COL9A3: variants seen among roughly 807,000 people sequenced by gnomAD.
The protein encoded by COL9A3 is collagen alpha-3(IX) chain.
In COL9A3, 82 loss-of-function variants were observed where a neutral mutation model predicts 110.2. That is an observed-to-expected ratio of 0.74 (90% CI 0.62 to 0.89). The LOEUF is 0.89. COL9A3 is among the 40% of genes least tolerant of loss of function. The pLI is 0.00. For synonymous variants in COL9A3, 494 were observed against 403.8 expected (o/e 1.22, Z -2.68); for missense variants, 1,066 against 981.3 (o/e 1.09, Z -1.15).
Position 62,840,952 on chromosome 20 carries a change from A to G in COL9A3, c.*220A>G. ...CCCTAGCTAATAAACCTGTAAGCCC[A>G]GCATTTGAGAGAAGGTAGGGTGTGT... On this transcript the variant is annotated 3_prime_UTR_variant, in exon 32 of 32. Coordinates refer to ENST00000649368, the MANE Select transcript of COL9A3 (RefSeq NM_001853.4). 3.5e-6 allele frequency: 2 copies of G among 576,450 alleles called. No individual in the cohort carries two copies. The highest frequency in any genetic ancestry group is 6.3e-6 in the Non-Finnish European group (2 of 318,678). 35.7% of individuals were successfully genotyped at this position (576,450 alleles called of 1,614,324 possible).
chr20:62,822,044 G>A, intron 8 of COL9A3, 67 bp from the exon 9 acceptor site: 1 of 993,814 alleles, frequency 1.0e-6, no homozygotes, highest in Non-Finnish European at 1.6e-6. Flanking sequence ...ACCTCCCTGG[G>A]AGAAGCCGGG....
In COL9A3 at chr20:62,841,075, A is replaced by ATGAT. The variant is rs1055015602; in HGVS notation, c.*344_*347dup. The ATGAT allele has an allele frequency of 1.9e-5, 5 of 259,334 alleles. No individual in the cohort carries two copies. Among genetic ancestry groups the ATGAT allele is most frequent in the African/African-American group, 9.1e-5 (4 of 44,026 alleles). The allele number at this position is 259,334 out of a possible 1,614,324, so 16.1% of individuals were successfully genotyped here. On this transcript the variant is annotated 3_prime_UTR_variant, in exon 32 of 32. Transcript: ENST00000649368. ...AAGACTATGATCTCATCCCAATAAA[A>ATGAT]TGATATATTAAACCTTCAGATTAAT...
At chr20:62,837,547 G>T (rs868690225) in intron 30 of COL9A3, among the ~76,000 whole-genome samples, 1 of 152,230 alleles carries the variant, frequency 6.6e-6, no homozygotes, top group African/African-American at 2.4e-5. Context: ...GGTGGCTCAC[G>T]CCTGTAATCC....
At chr20:62,840,521 A>G (rs1469938654) in intron 31 of COL9A3, 21 bp from the exon 32 acceptor site, 8 of 1,607,794 alleles carry the variant, frequency 5.0e-6, no homozygotes, top group South Asian at 4.4e-5. Context: ...AGCTGAACTC[A>G]CCTTTCTGCT....
At chr20:62,826,404 G>A (rs1163427707) in intron 14 of COL9A3, 147 bp downstream of exon 14, 1 of 796,652 alleles carries the variant, frequency 1.3e-6, no homozygotes, top group Admixed American at 2.6e-5. Context: ...CGCAGGCCTT[G>A]CTCTGGGCCC....
At chr20:62,829,923 G>A (rs1465036218) in intron 22 of COL9A3, 104 bp downstream of exon 22, 2 of 1,399,594 alleles carry the variant, frequency 1.4e-6, no homozygotes, top group African/African-American at 1.4e-5. Context: ...GCCTTGATGG[G>A]CCAGGCCCAC....
At chr20:62,834,805 G>C (rs1236385876) in intron 26 of COL9A3, among the ~76,000 whole-genome samples, 9 of 152,082 alleles carry the variant, frequency 5.9e-5, no homozygotes, top group Non-Finnish European at 8.8e-5. Flanking sequence ...ATCACACCCG[G>C]CTAATTTTTG....
intron 25 of COL9A3, among the ~76,000 whole-genome samples, chr20:62,832,645 A>C (rs2063605347): frequency 8.5e-6 from 1 of 117,046 alleles, no homozygotes; most frequent in African/African-American, 2.7e-5. Flanking sequence ...TCTTTTTGGA[A>C]AAGTGTCAGG....
intron 12 of COL9A3, chr20:62,825,399 G>A (rs1274901971): frequency 2.9e-6 from 1 of 342,940 alleles, no homozygotes; most frequent in Non-Finnish European, 5.4e-6. Flanking sequence ...GCTGGCTTTA[G>A]CCTGTAGCCT....
In COL9A3 at chr20:62,836,522, G is replaced by C; in HGVS notation, c.1593G>C (p.Gly531=). ...AGCGCATCAGGGAGCTGTGTGGGGG[G>C]ATGATCAGCGGTAAGTCAGCCACGT... ...SEQRIRELCG[G]MISEQIAQLA... The change falls in exon 29 of 32, where the codon GGG becomes GGC. Residue 531 remains glycine, a synonymous_variant. Coordinates refer to ENST00000649368, the MANE Select transcript of COL9A3 (RefSeq NM_001853.4). 1 of 1,611,654 alleles carries C rather than the reference G, an allele frequency of 6.2e-7. No individual in the cohort carries two copies. Among genetic ancestry groups the C allele is most frequent in the Non-Finnish European group, 8.5e-7 (1 of 1,179,000 alleles).
At position 62,840,686 on chromosome 20, in the gene COL9A3, C is replaced by T. The variant is rs780794327; in HGVS notation, c.2009C>T (p.Ala670Val). 1.9e-6 allele frequency: 3 copies of T among 1,600,592 alleles called. No individual in the cohort carries two copies. Among genetic ancestry groups the T allele is most frequent in the East Asian group, 2.3e-5 (1 of 44,412 alleles). The stretch of plus-strand genomic sequence containing the variant: ...TGCGACACCTCAGCCTGCCAAGGAG[C>T]CGTGTTAGGAGGGGTCGGGGAGAAA... ...GICDTSACQG[A>V]VLGGVGEKSG... Residue 670 changes from alanine to valine, a missense_variant, in exon 32 of 32, where the codon GCC becomes GTC. Ala to Val is a moderately conservative substitution (Grantham distance 64, BLOSUM62 0). Coordinates refer to ENST00000649368, the MANE Select transcript of COL9A3 (RefSeq NM_001853.4).
At position 62,825,849 on chromosome 20, in the gene COL9A3, C is replaced by T. The variant is rs996170616; in HGVS notation, c.663C>T (p.Leu221=). The change falls in exon 13 of 32, where the codon CTC becomes CTT. Residue 221 remains leucine (L), a synonymous_variant. Coordinates refer to ENST00000649368, the MANE Select transcript of COL9A3 (RefSeq NM_001853.4). ...GDPGPPGPAG[L]PGSVGLQGPR... ...CTGGCCCCCCTGGGCCCGCCGGCCT[C>T]CCGGGCAGCGTGGGGCTGCAGGTGA... 5 of 1,558,970 alleles carry T rather than the reference C, an allele frequency of 3.2e-6. No individual in the cohort carries two copies. In the African/African-American group the frequency reaches 6.8e-5, roughly 21 times the overall value.
intron 31 of COL9A3, among the ~76,000 whole-genome samples, chr20:62,840,153 C>A (rs560040409): frequency 2.6e-4 from 40 of 152,088 alleles, no homozygotes; most frequent in South Asian, 2.5e-3. Context: ...CTCCCTCTTC[C>A]CTCACACCCA....
At chr20:62,817,289 A>T in intron 1 of COL9A3, 147 bp downstream of exon 1, 1 of 578,496 alleles carries the variant, frequency 1.7e-6, no homozygotes, top group East Asian at 3.9e-5. Context: ...CCTCGGGATG[A>T]GCCCCGTCCG....
chr20:62,828,951 G>A lies in COL9A3; in HGVS notation c.983G>A (p.Gly328Glu), dbSNP rs1289354615. The change falls in exon 19 of 32, where the codon GGA becomes GAA. Residue 328 changes from glycine to glutamate, a missense_variant. Transcript: ENST00000649368. ...GAGGCTGGTCGCAACGGTGCTCCGG[G>A]AGAGAAGGGCCCCAACGGGCTGCCG... ...KGEAGRNGAP[G>E]EKGPNGLPGL... is the part of the protein sequence containing the mutation. 1 of 1,610,696 alleles carries A rather than the reference G, an allele frequency of 6.2e-7. No homozygotes were observed. The highest frequency in any genetic ancestry group is 1.3e-5 in the African/African-American group (1 of 75,030).
chr20:62,823,140 C>T (rs117867177), intron 10 of COL9A3, among the ~76,000 whole-genome samples: 100 of 152,320 alleles, frequency 6.6e-4, no homozygotes, highest in Admixed American at 9.1e-4. Flanking sequence ...AGTTTGAGAC[C>T]AGCCTGGGCA....
chr20:62,827,310 G>A lies in COL9A3; in HGVS notation c.846+16G>A. 3 of 1,612,306 alleles carry A rather than the reference G, an allele frequency of 1.9e-6. No homozygotes were observed. Among genetic ancestry groups the A allele is most frequent in the Non-Finnish European group, 2.5e-6 (3 of 1,179,402 alleles). On this transcript the variant is annotated intron_variant, in intron 16 of 31. Coordinates refer to ENST00000649368, the MANE Select transcript of COL9A3 (RefSeq NM_001853.4). ...GGGTGACCTCGTAAGTGAGAGGGAA[G>A]TTGGTTCCCTGGGTCCTTATGTGGA...
chr20:62,826,350 C>G, intron 14 of COL9A3, 93 bp downstream of exon 14: 1 of 1,217,794 alleles, frequency 8.2e-7, no homozygotes, highest in Non-Finnish European at 1.2e-6. Context: ...GTGAGTGACA[C>G]TCTGAAGCAG....
In COL9A3 at chr20:62,827,403, C is replaced by G. The variant is rs2063563061; in HGVS notation, c.846+109C>G. 8 of 1,203,146 alleles carry G rather than the reference C, an allele frequency of 6.6e-6. No homozygotes were observed. In the South Asian group the frequency reaches 1.0e-4, roughly 16 times the overall value. The allele number at this position is 1,203,146 out of a possible 1,614,324, so 74.5% of individuals were successfully genotyped here. On this transcript the variant is annotated intron_variant, in intron 16 of 31. Coordinates refer to ENST00000649368, the MANE Select transcript of COL9A3 (RefSeq NM_001853.4). Reference sequence around the variant, plus strand: ...CACTTGGGAGTGAGACTGCAAGGGGCTGCCTGGGTGGGCCTGGGGGTGCGT... The same window carrying G: ...CACTTGGGAGTGAGACTGCAAGGGGGTGCCTGGGTGGGCCTGGGGGTGCGT...
Sources: allele counts gnomAD v4.1 joint callset (sites outside exome capture counted in the v4.1 genomes callset), GRCh38; gene constraint gnomAD v4.1.1; transcripts MANE v1.5; gene names NCBI Gene and HGNC (gene_info 2026-07-23, HGNC 2026-07-21).